The following SPART variants were observed in gnomAD, a reference collection of about 807,000 sequenced individuals.
The protein encoded by SPART is spartin, also known as spastic paraplegia 20 (Troyer syndrome).
Under a neutral mutation model 58.7 loss-of-function variants are expected in SPART, and 35 were observed. The observed-to-expected ratio is 0.60, with a 90% CI of 0.46 to 0.79. The LOEUF is 0.79. SPART is among the 30% of genes least tolerant of loss of function. SPART has a pLI of 0.00. For missense variants in SPART, 730 were observed against 786.1 expected (o/e 0.93, Z 0.85); for synonymous variants, 284 against 280.7 (o/e 1.01, Z -0.12).
chr13:36,321,364 A>G (rs890853148), intron 5 of SPART, among the ~76,000 whole-genome samples: 1 of 152,188 alleles, frequency 6.6e-6, no homozygotes, highest in Non-Finnish European at 1.5e-5. Flanking sequence ...TGGCAGGACT[A>G]TGCTGAATCT....
chr13:36,327,165 A>G (rs1031716277), intron 4 of SPART, among the ~76,000 whole-genome samples: 9 of 152,220 alleles, frequency 5.9e-5, no homozygotes, highest in African/African-American at 1.7e-4. Context: ...ATATAAACAC[A>G]GAATAATCTG....
At chr13:36,323,341 A>T (rs896746838) in intron 5 of SPART, among the ~76,000 whole-genome samples, 1 of 152,004 alleles carries the variant, frequency 6.6e-6, no homozygotes, top group Admixed American at 6.6e-5. Flanking sequence ...GCAACCCTCT[A>T]CCTCCTTCCA....
intron 8 of SPART, among the ~76,000 whole-genome samples, chr13:36,311,369 A>T (rs1476112744): frequency 1.3e-5 from 2 of 152,228 alleles, no homozygotes; most frequent in Non-Finnish European, 2.9e-5. Flanking sequence ...TTCTTAATAT[A>T]TGAAATTGAA....
At position 36,335,611 on chromosome 13, in the gene SPART, C is replaced by G; in HGVS notation, c.220G>C (p.Ala74Pro). ...TTCATTTTCTGTTGCATCTGTCTAG[C>G]AGATTCCCACCCAGGACCTGTGTGT... ...SEHTGPGWES[A>P]RQMQQKMKET... Residue 74 changes from alanine to proline, a missense_variant, in exon 2 of 9, where the codon GCT becomes CCT. Physicochemically the swap from Ala to Pro is conservative, Grantham distance 27 (BLOSUM62 -1). Coordinates refer to ENST00000438666, the MANE Select transcript of SPART (RefSeq NM_015087.5). 1 of 1,613,904 alleles carries G rather than the reference C, an allele frequency of 6.2e-7. No homozygotes were observed. Among genetic ancestry groups the G allele is most frequent in the South Asian group, 1.1e-5 (1 of 91,050 alleles).
intron 2 of SPART, among the ~76,000 whole-genome samples, chr13:36,332,792 C>T (rs1883575977): frequency 6.6e-6 from 1 of 152,098 alleles, no homozygotes; most frequent in African/African-American, 2.4e-5. Context: ...CTGTGCTCAA[C>T]ATCAAAACAG....
intron 4 of SPART, among the ~76,000 whole-genome samples, chr13:36,329,079 T>C (rs932350529): frequency 1.3e-5 from 2 of 152,076 alleles, no homozygotes; most frequent in African/African-American, 4.8e-5. Context: ...CCAGCCTGGG[T>C]GACAAGGCAG....
chr13:36,312,968 TA>T (rs1881287986), intron 6 of SPART, among the ~76,000 whole-genome samples: 1 of 151,938 alleles, frequency 6.6e-6, no homozygotes, highest in African/African-American at 2.4e-5. Context: ...TCTCGGTGAA[TA>T]AAAGTAAACA....
intron 5 of SPART, among the ~76,000 whole-genome samples, chr13:36,314,701 C>A (rs942424587): frequency 1.3e-5 from 2 of 152,154 alleles, no homozygotes; most frequent in Non-Finnish European, 2.9e-5. Flanking sequence ...CAAACAGTAT[C>A]TCTATATGTT....
intron 1 of SPART, among the ~76,000 whole-genome samples, chr13:36,353,466 T>G (rs771384362): frequency 6.6e-6 from 1 of 152,192 alleles, no homozygotes; most frequent in South Asian, 2.1e-4. Flanking sequence ...GCAAACTGGG[T>G]TTATTACTTA....
intron 1 of SPART, among the ~76,000 whole-genome samples, chr13:36,343,682 C>CCT (rs1884784956): frequency 6.6e-6 from 1 of 152,100 alleles, no homozygotes; most frequent in African/African-American, 2.4e-5. Context: ...TGTCTCTGGC[C>CCT]CTCAGAAGCA....
chr13:36,304,449 T>C lies in SPART; in HGVS notation c.1917A>G (p.Gln639=). The change falls in exon 9 of 9, where the codon CAA becomes CAG. Residue 639 remains glutamine, a synonymous_variant. Transcript: ENST00000438666. ...QIVDNSQREN[Q]EGAANVNVRG... ...TCACGTTGACATTTGCTGCTCCTTC[T>C]TGATTTTCCCTCTGAGAATTATCAA... The C allele has an allele frequency of 5.6e-6, 9 of 1,614,166 alleles. No individual in the cohort carries two copies. The highest frequency in any genetic ancestry group is 7.6e-6 in the Non-Finnish European group (9 of 1,180,010).
chr13:36,365,403 T>C, intron 1 of SPART: 1 of 329,740 alleles, frequency 3.0e-6, no homozygotes, highest in Non-Finnish European at 5.8e-6. Flanking sequence ...AATTGGGATA[T>C]GTTACTATGT....
chr13:36,306,163 T>C (rs1034511133), intron 8 of SPART, among the ~76,000 whole-genome samples: 1 of 152,188 alleles, frequency 6.6e-6, no homozygotes, highest in Non-Finnish European at 1.5e-5. Flanking sequence ...ATTGGGGGCC[T>C]TCTCACCAGT....
intron 5 of SPART, among the ~76,000 whole-genome samples, chr13:36,323,173 C>A (rs898479961): frequency 6.6e-6 from 1 of 152,162 alleles, no homozygotes; most frequent in African/African-American, 2.4e-5. Context: ...GCCTAGCATT[C>A]CAGAGTCCAT....
intron 4 of SPART, among the ~76,000 whole-genome samples, chr13:36,328,962 T>C (rs1388080156): frequency 1.3e-5 from 2 of 152,138 alleles, no homozygotes; most frequent in African/African-American, 4.8e-5. Context: ...TGGCCAGGTA[T>C]GGTGGCTCAT....
upstream of SPART, among the ~76,000 whole-genome samples, chr13:36,350,168 C>T (rs1228107559): frequency 6.6e-6 from 1 of 152,220 alleles, no homozygotes; most frequent in Non-Finnish European, 1.5e-5. Flanking sequence ...TACCCAGTCA[C>T]AAGAAAATAA....
At chr13:36,360,288 G>GT (rs1246107014) in intron 1 of SPART, among the ~76,000 whole-genome samples, 1 of 9,926 alleles carries the variant, frequency 1.0e-4, no homozygotes, top group Non-Finnish European at 1.6e-4. Context: ...AAAATTTTTG[G>GT]AGAAAATTCC....
chr13:36,347,365 T>C (rs1316559242), upstream of SPART, among the ~76,000 whole-genome samples: 1 of 152,140 alleles, frequency 6.6e-6, no homozygotes, highest in Non-Finnish European at 1.5e-5. Flanking sequence ...ATTACAGCTG[T>C]GCACCACCAC....
chr13:36,312,181 T>G lies in SPART; in HGVS notation c.1697A>C (p.Asn566Thr). The change falls in exon 8 of 9, where the codon AAT becomes ACT. Residue 566 changes from asparagine to threonine, a missense_variant. Asn to Thr is a moderately conservative substitution (Grantham distance 65, BLOSUM62 0). Coordinates refer to ENST00000438666, the MANE Select transcript of SPART (RefSeq NM_015087.5). ...LECAAKCIVN[N>T]VSAETVQTVR... ...AGTTTGTACAGTTTCTGCTGAAACA[T>G]TGTTAACGATGCATTTAGCTGCACA... 4.3e-6 allele frequency: 7 copies of G among 1,614,162 alleles called. No individual in the cohort carries two copies. Among genetic ancestry groups the G allele is most frequent in the Non-Finnish European group, 5.1e-6 (6 of 1,179,996 alleles).
Sources: allele counts gnomAD v4.1 joint callset (sites outside exome capture counted in the v4.1 genomes callset), GRCh38; gene constraint gnomAD v4.1.1; transcripts MANE v1.5; gene names NCBI Gene and HGNC (gene_info 2026-07-23, HGNC 2026-07-21).